EFCAB11: variants seen among roughly 807,000 people sequenced by gnomAD.
EFCAB11 encodes EF-hand calcium-binding domain-containing protein 11.
A neutral mutation model predicts 23.0 loss-of-function variants in EFCAB11; 14 were observed. That is an observed-to-expected ratio of 0.61 (90% CI 0.40 to 0.95). EFCAB11 has a LOEUF of 0.95. Ranked by LOEUF, EFCAB11 falls within the 40% of genes least tolerant of loss-of-function variation. The probability of loss-of-function intolerance (pLI) is 0.00; values close to 1 mark genes in which losing one functional copy is unlikely to be tolerated. For synonymous variants in EFCAB11, 65 were observed against 66.6 expected, an observed-to-expected ratio of 0.98 and a Z score of 0.11; for missense variants, 198 against 195.8, an observed-to-expected ratio of 1.01 and a Z score of -0.07.
chr14:89,849,088 G>A (rs2140137071), intron 5 of EFCAB11, among the ~76,000 whole-genome samples: 1 of 152,174 alleles, frequency 6.6e-6, no homozygotes, highest in Middle Eastern at 3.4e-3. Flanking sequence ...CCAACTGTAG[G>A]CTATTAGTTC....
intron 5 of EFCAB11, among the ~76,000 whole-genome samples, chr14:89,860,179 C>T (rs953073289): frequency 6.6e-6 from 1 of 152,144 alleles, no homozygotes; most frequent in Non-Finnish European, 1.5e-5. Flanking sequence ...GCCTGGCCAA[C>T]ATGGTAAAAC....
intron 5 of EFCAB11, among the ~76,000 whole-genome samples, chr14:89,903,749 T>G (rs770266626): frequency 1.1e-4 from 17 of 152,308 alleles, no homozygotes; most frequent in Non-Finnish European, 2.2e-4. Context: ...CCACAATTTA[T>G]TATCTACCTT....
At chr14:89,827,781 G>C (rs916010007) in intron 5 of EFCAB11, among the ~76,000 whole-genome samples, 1 of 151,920 alleles carries the variant, frequency 6.6e-6, no homozygotes, top group African/African-American at 2.4e-5. Flanking sequence ...TTACAGGCAT[G>C]TGCCACCATG....
intron 5 of EFCAB11, among the ~76,000 whole-genome samples, chr14:89,895,160 G>C (rs992949164): frequency 1.3e-5 from 2 of 152,140 alleles, no homozygotes; most frequent in African/African-American, 4.8e-5. Context: ...GAAATACAGC[G>C]TAAGTGAAAA....
intron 5 of EFCAB11, among the ~76,000 whole-genome samples, chr14:89,817,886 C>T (rs1223483153): frequency 2.6e-5 from 4 of 152,006 alleles, no homozygotes; most frequent in Admixed American, 2.0e-4. Context: ...CCCAGCTACT[C>T]AGGATGCTGT....
intron 5 of EFCAB11, chr14:89,924,245 T>A (rs2139792270): frequency 1.0e-6 from 1 of 994,608 alleles, no homozygotes. Context: ...TTCCCTTGTG[T>A]AATATGAAGA....
intron 2 of EFCAB11, chr14:89,952,570 T>C: frequency 1.0e-6 from 1 of 985,458 alleles, no homozygotes; most frequent in African/African-American, 1.7e-5. Flanking sequence ...CAGCCCCTCA[T>C]AGCTGAGCCA....
At chr14:89,819,511 C>G (rs761020383) in intron 5 of EFCAB11, among the ~76,000 whole-genome samples, 27 of 152,078 alleles carry the variant, frequency 1.8e-4, no homozygotes, top group African/African-American at 5.3e-4. Context: ...CCTAAAACTC[C>G]TGGGTTCAAG....
chr14:89,800,603 T>C (rs1885744546), intron 5 of EFCAB11, among the ~76,000 whole-genome samples: 1 of 152,170 alleles, frequency 6.6e-6, no homozygotes, highest in Non-Finnish European at 1.5e-5. Context: ...GGAATTAAAG[T>C]TTATGCAGAT....
intron 3 of EFCAB11, among the ~76,000 whole-genome samples, chr14:89,936,668 C>A (rs568486916): frequency 3.9e-5 from 6 of 152,286 alleles, no homozygotes; most frequent in South Asian, 2.1e-4. Flanking sequence ...AAATACAAGA[C>A]CCTTTTCTAA....
At chr14:89,809,931 C>T (rs1886096349) in intron 5 of EFCAB11, among the ~76,000 whole-genome samples, 1 of 152,166 alleles carries the variant, frequency 6.6e-6, no homozygotes, top group Non-Finnish European at 1.5e-5. Flanking sequence ...CTACAATTTC[C>T]CCCCACAATT....
At chr14:89,828,760 G>A (rs546381145) in intron 5 of EFCAB11, among the ~76,000 whole-genome samples, 2 of 152,076 alleles carry the variant, frequency 1.3e-5, no homozygotes, top group Non-Finnish European at 1.5e-5. Flanking sequence ...AGGGCTTTAC[G>A]GGCTTAATAA....
chr14:89,944,231 T>A (rs932549345), intron 3 of EFCAB11, among the ~76,000 whole-genome samples: 2 of 152,192 alleles, frequency 1.3e-5, no homozygotes, highest in Non-Finnish European at 2.9e-5. Context: ...ATGTCTTACA[T>A]GAATGACAGC....
chr14:89,871,271 C>A (rs1409100706), intron 5 of EFCAB11, among the ~76,000 whole-genome samples: 5 of 152,174 alleles, frequency 3.3e-5, no homozygotes, highest in Non-Finnish European at 5.9e-5. Flanking sequence ...CCAAAACAAA[C>A]TTCTAATGAT....
intron 5 of EFCAB11, among the ~76,000 whole-genome samples, chr14:89,866,614 CCCT>C (rs1338954056): frequency 6.6e-6 from 1 of 152,194 alleles, no homozygotes. Context: ...TGGGCCCACA[CCCT>C]CGTCACTTGG....
intron 5 of EFCAB11, among the ~76,000 whole-genome samples, chr14:89,899,376 C>A (rs970030230): frequency 5.3e-5 from 8 of 152,162 alleles, no homozygotes; most frequent in Non-Finnish European, 1.2e-4. Flanking sequence ...ACCAGGGAGA[C>A]CCCATTTACA....
intron 3 of EFCAB11, among the ~76,000 whole-genome samples, chr14:89,934,151 A>G (rs1290167187): frequency 6.6e-6 from 1 of 152,224 alleles, no homozygotes; most frequent in Non-Finnish European, 1.5e-5. Context: ...ATAGGAAGTC[A>G]ACAGAAGGTT....
intron 3 of EFCAB11, among the ~76,000 whole-genome samples, chr14:89,948,411 G>A (rs1596471920): frequency 1.3e-5 from 2 of 152,272 alleles, no homozygotes; most frequent in Middle Eastern, 6.8e-3. Context: ...CAATCACTAT[G>A]GAGAACCATT....
intron 5 of EFCAB11, chr14:89,837,164 A>G: frequency 2.2e-6 from 1 of 455,112 alleles, no homozygotes; most frequent in Non-Finnish European, 4.4e-6. Flanking sequence ...TACAGAAATA[A>G]CAGATACACT....
Sources: allele counts gnomAD v4.1 joint callset (sites outside exome capture counted in the v4.1 genomes callset), GRCh38; gene constraint gnomAD v4.1.1; transcripts MANE v1.5; gene names NCBI Gene and HGNC (gene_info 2026-07-23, HGNC 2026-07-21).